The following TMEM178B variants were observed in gnomAD, a reference collection of about 807,000 sequenced individuals.
TMEM178B encodes the protein transmembrane protein 178B.
A neutral mutation model predicts 31.0 loss-of-function variants in TMEM178B; 5 were observed. The observed-to-expected ratio is 0.16, with a 90% CI of 0.08 to 0.34. TMEM178B has a LOEUF of 0.34. Ranked by LOEUF, TMEM178B falls within the 10% of genes least tolerant of loss-of-function variation. The probability of loss-of-function intolerance (pLI) is 1.00; values close to 1 mark genes in which losing one functional copy is unlikely to be tolerated. For missense variants in TMEM178B, 275 were observed against 400.3 expected, an observed-to-expected ratio of 0.69 and a Z score of 2.67; for synonymous variants, 164 against 164.0, an observed-to-expected ratio of 1.00 and a Z score of 0.00.
At chr7:141,296,352 G>T (rs754975844) in intron 2 of TMEM178B, among the ~76,000 whole-genome samples, 3 of 152,186 alleles carry the variant, frequency 2.0e-5, no homozygotes, top group Non-Finnish European at 4.4e-5. Flanking sequence ...ACAGGTGTGA[G>T]CCACTGCACC....
At chr7:141,161,329 T>C (rs1484867385) in intron 1 of TMEM178B, among the ~76,000 whole-genome samples, 1 of 151,930 alleles carries the variant, frequency 6.6e-6, no homozygotes, top group African/African-American at 2.4e-5. Context: ...GGGAGGGGAT[T>C]TTACTCTGAG....
intron 1 of TMEM178B, among the ~76,000 whole-genome samples, chr7:141,121,345 T>C (rs1349886442): frequency 1.3e-5 from 2 of 152,194 alleles, no homozygotes; most frequent in African/African-American, 4.8e-5. Flanking sequence ...CTGTCAGTAT[T>C]GTTTTCCAAA....
the TMEM178B span, among the ~76,000 whole-genome samples, chr7:141,501,512 G>A: frequency 7.2e-5 from 11 of 152,134 alleles, no homozygotes; most frequent in Admixed American, 6.5e-4. Context: ...CTAAGCGATG[G>A]TGCCCAGATA....
chr7:141,106,288 C>A (rs1180075497), intron 1 of TMEM178B, among the ~76,000 whole-genome samples: 2 of 152,208 alleles, frequency 1.3e-5, no homozygotes, highest in East Asian at 3.9e-4. Context: ...GCAGACATGG[C>A]ACTCTTTTTC....
chr7:141,220,163 C>T (rs1035624500), intron 2 of TMEM178B, among the ~76,000 whole-genome samples: 7 of 151,180 alleles, frequency 4.6e-5, no homozygotes, highest in Non-Finnish European at 1.0e-4. Context: ...ACTAAAAATA[C>T]AAAAATTAGC....
intron 1 of TMEM178B, among the ~76,000 whole-genome samples, chr7:141,181,320 C>T (rs1339952791): frequency 6.6e-6 from 1 of 152,202 alleles, no homozygotes; most frequent in Non-Finnish European, 1.5e-5. Context: ...AAAGTACATA[C>T]AGTGGTAATA....
In TMEM178B at chr7:141,139,103, G is replaced by A. The variant is rs144756852; in HGVS notation, c.382+64411G>A. ...CTCAGAGATATAAAAAATTATGGAC[G>A]CCAAAGTTAAACTTTATCTTTTAGA... On this transcript the variant is annotated intron_variant, in intron 1 of 3. Transcript: ENST00000565468. Among the ~76,000 whole-genome samples the A allele has an allele frequency of 2.4e-4, 36 of 152,092 alleles. 1 individual carries two copies. Among genetic ancestry groups the A allele is most frequent in the Middle Eastern group, 3.4e-3 (1 of 294 alleles).
chr7:141,294,518 G>A (rs529899572), intron 2 of TMEM178B, among the ~76,000 whole-genome samples: 2 of 152,262 alleles, frequency 1.3e-5, no homozygotes, highest in African/African-American at 4.8e-5. Context: ...GGCTCAGGGT[G>A]AGCATCCTTT....
chr7:141,137,373 A>G (rs2129178570), intron 1 of TMEM178B, among the ~76,000 whole-genome samples: 1 of 152,336 alleles, frequency 6.6e-6, no homozygotes, highest in African/African-American at 2.4e-5. Context: ...ATGAAATACT[A>G]TTCAGCCATC....
At chr7:141,076,251 C>A (rs1278269985) in intron 1 of TMEM178B, among the ~76,000 whole-genome samples, 8 of 152,182 alleles carry the variant, frequency 5.3e-5, no homozygotes. Context: ...TAGTTTTTGA[C>A]AATGAGTGAC....
intron 2 of TMEM178B, among the ~76,000 whole-genome samples, chr7:141,288,195 C>CT (rs35802402): frequency 8.0e-5 from 12 of 149,692 alleles, no homozygotes; most frequent in East Asian, 5.9e-4. Flanking sequence ...TGCCTCTACT[C>CT]TTTTTTTTTT....
chr7:141,125,339 T>C (rs1795473523), intron 1 of TMEM178B, among the ~76,000 whole-genome samples: 1 of 151,932 alleles, frequency 6.6e-6, no homozygotes, highest in Non-Finnish European at 1.5e-5. Flanking sequence ...AGTAACAACA[T>C]AAAAACTCCC....
At chr7:141,410,903 A>G (rs1382503598) in intron 2 of TMEM178B, among the ~76,000 whole-genome samples, 1 of 152,232 alleles carries the variant, frequency 6.6e-6, no homozygotes, top group Non-Finnish European at 1.5e-5. Flanking sequence ...ATTCCGATGC[A>G]TGCTACAACA....
intron 2 of TMEM178B, among the ~76,000 whole-genome samples, chr7:141,355,250 A>G (rs147416167): frequency 2.0e-5 from 3 of 152,302 alleles, no homozygotes; most frequent in African/African-American, 7.2e-5. Flanking sequence ...GCTGCTGTTC[A>G]GACTTGGTGA....
chr7:141,190,336 C>T (rs1796677019), intron 1 of TMEM178B, among the ~76,000 whole-genome samples: 1 of 151,788 alleles, frequency 6.6e-6, no homozygotes, highest in Non-Finnish European at 1.5e-5. Context: ...TTCTTTTAGA[C>T]AGGGTCTTGT....
chr7:141,174,077 T>G (rs1211413846), intron 1 of TMEM178B, among the ~76,000 whole-genome samples: 1 of 152,136 alleles, frequency 6.6e-6, no homozygotes, highest in African/African-American at 2.4e-5. Flanking sequence ...TAATCTACAT[T>G]AGGTATATCT....
At chr7:141,309,854 C>A (rs910892122) in intron 2 of TMEM178B, among the ~76,000 whole-genome samples, 2 of 152,090 alleles carry the variant, frequency 1.3e-5, no homozygotes, top group East Asian at 1.9e-4. Flanking sequence ...TATGCAGTAC[C>A]CATTTCTCTA....
rs550662270 is a variant in TMEM178B at position 141,199,705 on chromosome 7, G to A, written c.383-12886G>A. ...GGGCTCAAGCCATCCTCTTGCCTCA[G>A]CCTCCAAGAAGCTGAAACTACAGGT... On this transcript the variant is annotated intron_variant, in intron 1 of 3. Transcript: ENST00000565468. 2.0e-5 allele frequency among the ~76,000 whole-genome samples: 3 copies of A among 152,212 alleles called. No individual in the cohort carries two copies. In the East Asian group the frequency reaches 5.8e-4, roughly 29 times the overall value.
chr7:141,463,178 G>A (rs1226777154), intron 3 of TMEM178B, among the ~76,000 whole-genome samples: 1 of 152,166 alleles, frequency 6.6e-6, no homozygotes, highest in African/African-American at 2.4e-5. Flanking sequence ...GCACAGAAAG[G>A]GTAATTAGTT....
Sources: gnomAD v4.1 joint callset for allele counts (sites outside exome capture counted in the v4.1 genomes callset) on GRCh38, gnomAD v4.1.1 for gene constraint, MANE v1.5 for transcripts, NCBI Gene and HGNC (gene_info 2026-07-23, HGNC 2026-07-21) for gene names.